Variants in BAZ2B observed in about 807,000 individuals in gnomAD.
The protein encoded by BAZ2B is bromodomain adjacent to zinc finger domain protein 2B.
BAZ2B carries 91 observed loss-of-function variants against 246.0 expected under a neutral mutation model. The observed-to-expected ratio is 0.37, with a 90% CI of 0.31 to 0.44. The LOEUF is 0.44. Ranked by LOEUF, BAZ2B falls within the 20% of genes least tolerant of loss-of-function variation. The probability of loss-of-function intolerance (pLI) is 1.00; values close to 1 mark genes in which losing one functional copy is unlikely to be tolerated. For missense variants in BAZ2B, 2,332 were observed against 2,533.7 expected (o/e 0.92, Z 1.71); for synonymous variants, 855 against 860.0 (o/e 0.99, Z 0.10).
intron 6 of BAZ2B, chr2:159,444,825 C>T (rs1399408617): frequency 6.6e-6 from 1 of 152,506 alleles, no homozygotes; most frequent in Non-Finnish European, 1.5e-5. Context: ...ACTGGAAAAC[C>T]AGGCCCTGAA....
At position 159,432,917 on chromosome 2, in the gene BAZ2B, G is replaced by GTGA; in HGVS notation, c.1737_1739dup (p.His580dup). On this transcript the variant is annotated inframe_insertion, in exon 9 of 37. Coordinates refer to ENST00000392783, the MANE Select transcript of BAZ2B (RefSeq NM_013450.4). Reference sequence around the variant, plus strand: ...CCACTAAAGATTTTGCAGGATGGGAGTGATGCTGTGTTTTTACTGGGTTTA... The same window carrying GTGA: ...CCACTAAAGATTTTGCAGGATGGGAGTGATGATGCTGTGTTTTTACTGGGTTTA... 1.9e-6 allele frequency: 3 copies of GTGA among 1,614,140 alleles called. No individual in the cohort carries two copies. Among genetic ancestry groups the GTGA allele is most frequent in the Non-Finnish European group, 2.5e-6 (3 of 1,180,014 alleles).
intron 14 of BAZ2B, 94 bp downstream of exon 14, chr2:159,412,241 G>A: frequency 7.9e-7 from 1 of 1,261,386 alleles, no homozygotes; most frequent in Non-Finnish European, 1.1e-6. Flanking sequence ...TTTAAAAATT[G>A]AGAGCAGTGT....
Position 159,448,260 on chromosome 2 carries a change from G to C in BAZ2B, c.484C>G (p.Arg162Gly). 1 of 1,611,762 alleles carries C rather than the reference G, an allele frequency of 6.2e-7. No individual in the cohort carries two copies. The highest frequency in any genetic ancestry group is 2.2e-5 in the East Asian group (1 of 44,796). The change falls in exon 5 of 37, where the codon CGA (arginine) becomes GGA (glycine). Residue 162 changes from arginine to glycine, a missense_variant. Physicochemically the swap from Arg to Gly is moderately radical, Grantham distance 125. Transcript: ENST00000392783. ...TGGATACCTTTTTCGGGACCATTTC[G>C]ATTACTTTTTCCCGAAGTCCTTGAA... ...FHSRTSGKSN[R>G]NGPEKGVNGS...
At chr2:159,391,619 T>C (rs749364420) in intron 20 of BAZ2B, among the ~76,000 whole-genome samples, 18 of 152,134 alleles carry the variant, frequency 1.2e-4, no homozygotes, top group Non-Finnish European at 2.4e-4. Flanking sequence ...TGGAGGTACA[T>C]ACATACTCAA....
At chr2:159,654,308 A>G in the BAZ2B span, among the ~76,000 whole-genome samples, 1 of 152,206 alleles carries the variant, frequency 6.6e-6, no homozygotes, top group African/African-American at 2.4e-5. Context: ...TGTAACACAT[A>G]AAGAAGCAGG....
At position 159,324,815 on chromosome 2, in the gene BAZ2B, C is replaced by T. The variant is rs772779849; in HGVS notation, c.6349G>A (p.Gly2117Arg). ...GAACTGAAATGATTTACTTACTGTC[C>T]ACTACTTAGTTTCTCTCTAATTGTG... is the stretch of plus-strand genomic sequence containing the variant. ...FSTIREKLSS[G>R]QYPNLETFAL... Residue 2117 changes from glycine to arginine, a missense_variant, in exon 36 of 37, where the codon GGA (glycine) becomes AGA (arginine). Gly to Arg is a moderately radical substitution (Grantham distance 125). This residue lies in a region of BAZ2B where 210 missense variants were observed against 232.5 expected (regional missense o/e 0.90). Transcript: ENST00000392783. 2.0e-6 allele frequency: 3 copies of T among 1,496,922 alleles called. No homozygotes were observed. Among genetic ancestry groups the T allele is most frequent in the Non-Finnish European group, 2.7e-6 (3 of 1,129,358 alleles). The allele number at this position is 1,496,922 out of a possible 1,614,324, so 92.7% of individuals were successfully genotyped here. A position where few individuals can be genotyped will look rare whatever the true frequency, so the allele number is the denominator to read the frequency against.
chr2:159,344,988 TG>T (rs1326179579), intron 31 of BAZ2B, among the ~76,000 whole-genome samples: 2 of 152,098 alleles, frequency 1.3e-5, no homozygotes, highest in African/African-American at 4.8e-5. Flanking sequence ...GGTGGGCAGA[TG>T]ATCTGAGGTC....
chr2:159,462,996 A>T, intron 3 of BAZ2B: 1 of 803,830 alleles, frequency 1.2e-6, no homozygotes, highest in Non-Finnish European at 2.2e-6. Flanking sequence ...TGGATCTAAA[A>T]CTCTGCTATT....
chr2:159,459,809 C>T (rs1239590818), intron 3 of BAZ2B: 1 of 152,030 alleles, frequency 6.6e-6, no homozygotes, highest in Non-Finnish European at 1.5e-5. Context: ...ATGTTTCTTA[C>T]ATTAATATAC....
chr2:159,406,817 T>G (rs184161348), intron 14 of BAZ2B, among the ~76,000 whole-genome samples: 16 of 152,048 alleles, frequency 1.1e-4, no homozygotes, highest in Middle Eastern at 3.4e-3. Context: ...TGCAGTGGCG[T>G]GATCTCGGCT....
intron 2 of BAZ2B, among the ~76,000 whole-genome samples, chr2:159,553,157 G>C (rs2088542818): frequency 6.6e-6 from 1 of 151,968 alleles, no homozygotes; most frequent in African/African-American, 2.4e-5. Context: ...CACTTTGAGA[G>C]GCCAAGGCGG....
intron 2 of BAZ2B, among the ~76,000 whole-genome samples, chr2:159,485,372 T>A (rs1301456058): frequency 6.6e-6 from 1 of 152,174 alleles, no homozygotes; most frequent in African/African-American, 2.4e-5. Flanking sequence ...AGGAAAAAGA[T>A]TCTATTCATA....
chr2:159,501,201 A>T lies in BAZ2B; in HGVS notation c.-2-22480T>A, dbSNP rs1413006881. Among the ~76,000 whole-genome samples, 5 of 104,944 alleles carry T rather than the reference A, an allele frequency of 4.8e-5. 1 individual carries two copies. The South Asian group carries it at 8.3e-4, about 17-fold the overall frequency. The allele number at this position is 104,944 out of a possible 152,430, so 68.8% of individuals were successfully genotyped here. A position where few individuals can be genotyped will look rare whatever the true frequency, so the allele number is the denominator to read the frequency against. Reference sequence around the variant, plus strand: ...ATATATATTTATATATAATATATATATTTTTATATATATTATATATATATT... The same window carrying T: ...ATATATATTTATATATAATATATATTTTTTTATATATATTATATATATATT... On this transcript the variant is annotated intron_variant, in intron 2 of 36. Coordinates refer to ENST00000392783, the MANE Select transcript of BAZ2B (RefSeq NM_013450.4).
At chr2:159,355,725 T>C (rs959329585) in intron 27 of BAZ2B, among the ~76,000 whole-genome samples, 3 of 110,520 alleles carry the variant, frequency 2.7e-5, no homozygotes, top group African/African-American at 6.9e-5. Flanking sequence ...ACAGTTCCGG[T>C]CTGCAGCTCC....
At chr2:159,389,758 A>G (rs1009987015) in intron 20 of BAZ2B, among the ~76,000 whole-genome samples, 3 of 152,216 alleles carry the variant, frequency 2.0e-5, no homozygotes, top group African/African-American at 4.8e-5. Context: ...GGGCAACTAC[A>G]TATCTTATTA....
In BAZ2B at chr2:159,582,357, G is replaced by A. The variant is rs182803460; in HGVS notation, c.-45-26492C>T. Among the ~76,000 whole-genome samples, 662 of 152,198 alleles carry A rather than the reference G, an allele frequency of 4.3e-3. 8 individuals are homozygous for A. The highest frequency in any genetic ancestry group is 0.015 in the African/African-American group (636 of 41,530). ...TGAGTTTCTCCGGTAAGAATATATC[G>A]CTTTGTAATACAAATAAGTAGCCAC... On this transcript the variant is annotated intron_variant, in intron 1 of 36. Coordinates refer to ENST00000392783, the MANE Select transcript of BAZ2B (RefSeq NM_013450.4).
At chr2:159,563,816 A>G (rs578074434) in intron 1 of BAZ2B, among the ~76,000 whole-genome samples, 1 of 152,372 alleles carries the variant, frequency 6.6e-6, no homozygotes, top group Non-Finnish European at 1.5e-5. Flanking sequence ...ATTTAATGTT[A>G]TATATATTTT....
chr2:159,317,127 A>G (rs2062209780), downstream of BAZ2B, among the ~76,000 whole-genome samples: 1 of 152,256 alleles, frequency 6.6e-6, no homozygotes, highest in African/African-American at 2.4e-5. Flanking sequence ...TGAAAAGCAA[A>G]TAACCTTGAA....
At chr2:159,347,772 C>T (rs1465867212) in intron 30 of BAZ2B, 126 bp from the exon 31 acceptor site, 26 of 734,040 alleles carry the variant, frequency 3.5e-5, no homozygotes, top group Non-Finnish European at 5.7e-5. Flanking sequence ...CACAAATGCA[C>T]TTGTGTATGT....
Sources: gnomAD v4.1 joint callset for allele counts (sites outside exome capture counted in the v4.1 genomes callset) on GRCh38, gnomAD v4.1.1 for gene constraint, gnomAD v4.1.1 regional missense constraint, MANE v1.5 for transcripts, NCBI Gene and HGNC (gene_info 2026-07-23, HGNC 2026-07-21) for gene names.